ZNF804A: variants seen among roughly 807,000 people sequenced by gnomAD.
ZNF804A encodes the protein zinc finger protein 804A.
A neutral mutation model predicts 16.5 loss-of-function variants in ZNF804A; 2 were observed. The ratio of observed to expected loss-of-function variants is 0.12; its 90% confidence interval spans 0.05 to 0.38. ZNF804A has a LOEUF of 0.38. Among genes scored for constraint, ZNF804A ranks in the 10% least tolerant of loss-of-function variants. The probability of loss-of-function intolerance (pLI) is 0.99; values close to 1 mark genes in which losing one functional copy is unlikely to be tolerated. For synonymous variants in ZNF804A, 534 were observed against 489.6 expected (o/e 1.09, Z -1.20); for missense variants, 1,473 against 1,390.7 (o/e 1.06, Z -0.94).
intron 1 of ZNF804A, among the ~76,000 whole-genome samples, chr2:184,846,334 G>A (rs1389359160): frequency 6.6e-6 from 1 of 152,082 alleles, no homozygotes; most frequent in Non-Finnish European, 1.5e-5. Context: ...TACATACGCA[G>A]CAGATCATTA....
Position 184,742,240 on chromosome 2 carries a change from A to G in ZNF804A, c.112-124129A>G, listed in dbSNP as rs1052091966. Among the ~76,000 whole-genome samples the G allele has an allele frequency of 1.2e-4, 19 of 152,144 alleles. No individual in the cohort carries two copies. The East Asian group carries it at 1.9e-3, about 15-fold the overall frequency. On this transcript the variant is annotated intron_variant, in intron 1 of 3. Transcript: ENST00000302277. ...TCAATCATTATGATAATAAGCTTAA[A>G]GAGAGAAAAGCTGTTCTATTTCTTA...
chr2:184,869,349 G>A (rs2105812645), intron 2 of ZNF804A, among the ~76,000 whole-genome samples: 1 of 152,114 alleles, frequency 6.6e-6, no homozygotes, highest in Admixed American at 6.6e-5. Context: ...AAGGCAAATT[G>A]TGCATACTAC....
chr2:184,768,425 T>C (rs1037465852), intron 1 of ZNF804A, among the ~76,000 whole-genome samples: 12 of 152,066 alleles, frequency 7.9e-5, no homozygotes, highest in African/African-American at 2.9e-4. Context: ...CCTTTGAAGA[T>C]CTGTAATTTG....
At chr2:184,756,745 C>T (rs984313015) in intron 1 of ZNF804A, among the ~76,000 whole-genome samples, 6 of 151,778 alleles carry the variant, frequency 4.0e-5, no homozygotes, top group South Asian at 2.1e-4. Context: ...TATAGGTGTA[C>T]GAGTGTGTAT....
chr2:184,856,854 A>T (rs573421152), intron 1 of ZNF804A, among the ~76,000 whole-genome samples: 1 of 152,212 alleles, frequency 6.6e-6, no homozygotes, highest in East Asian at 1.9e-4. Context: ...AATCTGAAAA[A>T]ATTTTAAGTC....
intron 1 of ZNF804A, among the ~76,000 whole-genome samples, chr2:184,599,778 T>C (rs1691016717): frequency 6.6e-6 from 1 of 152,200 alleles, no homozygotes; most frequent in Admixed American, 6.5e-5. Flanking sequence ...GCTTCATTTT[T>C]CAGGATCCTA....
At chr2:184,807,439 A>G (rs190655489) in intron 1 of ZNF804A, among the ~76,000 whole-genome samples, 4 of 151,946 alleles carry the variant, frequency 2.6e-5, no homozygotes, top group Admixed American at 2.0e-4. Flanking sequence ...GTATTAATAC[A>G]CATAAAGATT....
intron 1 of ZNF804A, among the ~76,000 whole-genome samples, chr2:184,611,250 T>C (rs763981297): frequency 2.0e-5 from 3 of 152,066 alleles, no homozygotes; most frequent in East Asian, 3.9e-4. Context: ...TACCATCACA[T>C]TGGGGCTTAG....
intron 1 of ZNF804A, among the ~76,000 whole-genome samples, chr2:184,733,655 G>T (rs754384310): frequency 3.9e-5 from 6 of 152,064 alleles, no homozygotes; most frequent in Non-Finnish European, 5.9e-5. Context: ...AGCTTTGTAT[G>T]TTCTGTTTTG....
intron 1 of ZNF804A, among the ~76,000 whole-genome samples, chr2:184,750,562 T>G (rs1192502854): frequency 6.6e-6 from 1 of 151,370 alleles, no homozygotes; most frequent in Admixed American, 6.6e-5. Context: ...GTATACAACT[T>G]GGTGAGTTTG....
chr2:184,683,159 T>C (rs902214794), intron 1 of ZNF804A, among the ~76,000 whole-genome samples: 4 of 152,238 alleles, frequency 2.6e-5, no homozygotes, highest in Non-Finnish European at 4.4e-5. Context: ...GTATTATGTC[T>C]CTGTGTTGCA....
intron 2 of ZNF804A, among the ~76,000 whole-genome samples, chr2:184,917,129 G>T (rs572966177): frequency 1.3e-5 from 2 of 152,220 alleles, no homozygotes; most frequent in African/African-American, 4.8e-5. Context: ...CCATGGACTA[G>T]TCAAGTTGAC....
intron 1 of ZNF804A, among the ~76,000 whole-genome samples, 184 bp from the exon 2 acceptor site, chr2:184,866,185 C>T (rs564752420): frequency 6.6e-6 from 1 of 152,232 alleles, no homozygotes; most frequent in East Asian, 1.9e-4. Context: ...TTGGCTTCTT[C>T]TGTTAGTCTT....
chr2:184,650,408 G>T (rs1299499843), intron 1 of ZNF804A, among the ~76,000 whole-genome samples: 1 of 152,098 alleles, frequency 6.6e-6, no homozygotes, highest in African/African-American at 2.4e-5. Context: ...ACAAGACAAG[G>T]ATGCCCACTT....
intron 1 of ZNF804A, among the ~76,000 whole-genome samples, chr2:184,700,783 A>C (rs749801251): frequency 1.5e-4 from 23 of 152,054 alleles, no homozygotes; most frequent in Non-Finnish European, 2.5e-4. Context: ...TTAGCAAAGA[A>C]CTTGTAAAAT....
intron 1 of ZNF804A, among the ~76,000 whole-genome samples, chr2:184,831,307 G>C (rs547396284): frequency 1.1e-3 from 163 of 151,288 alleles, no homozygotes; most frequent in Non-Finnish European, 1.9e-3. Flanking sequence ...CCTTTACTCT[G>C]TGTGTGTGTG....
chr2:184,885,213 A>G (rs1253752490), intron 2 of ZNF804A, among the ~76,000 whole-genome samples: 8 of 152,234 alleles, frequency 5.3e-5, no homozygotes, highest in Admixed American at 5.2e-4. Context: ...GGTTGCTGAA[A>G]AAAGGGAACA....
chr2:184,878,238 C>T (rs575210828), intron 2 of ZNF804A, among the ~76,000 whole-genome samples: 98 of 151,882 alleles, frequency 6.5e-4, no homozygotes, highest in African/African-American at 2.3e-3. Context: ...CTATGGACAA[C>T]AAAGAAATGC....
chr2:184,844,425 T>C (rs1695483390), intron 1 of ZNF804A, among the ~76,000 whole-genome samples: 1 of 152,020 alleles, frequency 6.6e-6, no homozygotes, highest in African/African-American at 2.4e-5. Context: ...AATTTGGCAG[T>C]TTTTGCTTGT....
Sources: gnomAD v4.1 joint callset for allele counts (sites outside exome capture counted in the v4.1 genomes callset) on GRCh38, gnomAD v4.1.1 for gene constraint, MANE v1.5 for transcripts, NCBI Gene and HGNC (gene_info 2026-07-23, HGNC 2026-07-21) for gene names.